MBNL1: variants seen among roughly 807,000 people sequenced by gnomAD.
MBNL1 encodes muscleblind like splicing regulator 1, also known as muscleblind-like protein 1.
A neutral mutation model predicts 42.2 loss-of-function variants in MBNL1; 8 were observed. The ratio of observed to expected loss-of-function variants is 0.19; its 90% CI spans 0.11 to 0.34. The LOEUF is 0.34. Ranked by LOEUF, MBNL1 falls within the 10% of genes least tolerant of loss-of-function variation. The pLI, the probability that MBNL1 is intolerant of heterozygous loss-of-function variation, is 1.00. For synonymous variants in MBNL1, 169 were observed against 173.9 expected, an observed-to-expected ratio of 0.97 and a Z score of 0.22; for missense variants, 309 against 495.3, an observed-to-expected ratio of 0.62 and a Z score of 3.57.
At chr3:152,335,110 G>C in intron 2 of MBNL1, 1 of 1,286,910 alleles carries the variant, frequency 7.8e-7, no homozygotes, top group Non-Finnish European at 1.0e-6. Flanking sequence ...TGGTGCTGCA[G>C]CAGTCACTCA....
At chr3:152,363,972 A>G (rs1186927672) in intron 2 of MBNL1, among the ~76,000 whole-genome samples, 3 of 152,160 alleles carry the variant, frequency 2.0e-5, no homozygotes, top group Admixed American at 2.0e-4. Context: ...AATGAGATTG[A>G]TCCTTCATAC....
At chr3:152,338,576 C>T in intron 2 of MBNL1, 1 of 985,324 alleles carries the variant, frequency 1.0e-6, no homozygotes, top group Non-Finnish European at 1.2e-6. Context: ...TGGGATTTCT[C>T]CAAGCCCCTA....
intron 2 of MBNL1, among the ~76,000 whole-genome samples, chr3:152,391,224 C>T (rs2097702858): frequency 6.6e-6 from 1 of 152,222 alleles, no homozygotes; most frequent in South Asian, 2.1e-4. Flanking sequence ...TAAGCACTCT[C>T]TCCTTTTTCA....
intron 1 of MBNL1, among the ~76,000 whole-genome samples, chr3:152,297,575 C>A (rs559672874): frequency 6.6e-6 from 1 of 151,778 alleles, no homozygotes; most frequent in South Asian, 2.1e-4. Context: ...AGGTTGGTCT[C>A]GAACACCTGA....
chr3:152,353,671 CTTTTTTT>C (rs34931833), intron 2 of MBNL1, among the ~76,000 whole-genome samples: 1 of 116,502 alleles, frequency 8.6e-6, no homozygotes, highest in Non-Finnish European at 1.7e-5. Context: ...TCAACAAATC[CTTTTTTT>C]TTTTTTTTTT....
chr3:152,389,487 C>G (rs1043809491), intron 2 of MBNL1, among the ~76,000 whole-genome samples: 1 of 152,142 alleles, frequency 6.6e-6, no homozygotes, highest in Non-Finnish European at 1.5e-5. Context: ...AGTATACGTG[C>G]ACACACCTGG....
chr3:152,269,652 C>T lies in MBNL1; in HGVS notation c.-790+560C>T, dbSNP rs950060164. 4 of 322,596 alleles carry T rather than the reference C, an allele frequency of 1.2e-5. No individual in the cohort carries two copies. The Admixed American group carries it at 1.5e-4, about 12-fold the overall frequency. 20.0% of individuals were successfully genotyped at this position (322,596 alleles called of 1,614,324 possible). A position where few individuals can be genotyped will look rare whatever the true frequency, so the allele number is the denominator to read the frequency against. On this transcript the variant is annotated intron_variant, in intron 1 of 9. Coordinates refer to ENST00000324210, the MANE Select transcript of MBNL1 (RefSeq NM_021038.5). ...TATATGGAGAGTGCTGTATTTCAGGCCAGTTTGCCTTTTGCCAAGTTTACA... is the reference window on the plus strand; with the variant it reads ...TATATGGAGAGTGCTGTATTTCAGGTCAGTTTGCCTTTTGCCAAGTTTACA...
intron 2 of MBNL1, among the ~76,000 whole-genome samples, chr3:152,386,636 A>C (rs2097437464): frequency 6.6e-6 from 1 of 152,106 alleles, no homozygotes; most frequent in South Asian, 2.1e-4. Flanking sequence ...ATCTATCTCA[A>C]CATCCCGTTG....
chr3:152,445,661 T>C (rs2099213150), intron 5 of MBNL1, 122 bp downstream of exon 5: 2 of 1,025,950 alleles, frequency 1.9e-6, no homozygotes, highest in African/African-American at 3.2e-5. Flanking sequence ...ATATGTTTGT[T>C]CAGGTATCCC....
intron 2 of MBNL1, among the ~76,000 whole-genome samples, chr3:152,379,152 A>C (rs1282653240): frequency 6.6e-6 from 1 of 152,218 alleles, no homozygotes; most frequent in Non-Finnish European, 1.5e-5. Context: ...TTAATTAAAA[A>C]TTTGTCATAT....
At chr3:152,425,348 G>A (rs752010819) in intron 3 of MBNL1, among the ~76,000 whole-genome samples, 6 of 152,042 alleles carry the variant, frequency 3.9e-5, no homozygotes, top group Non-Finnish European at 5.9e-5. Flanking sequence ...CAGGGTCCGG[G>A]TGTGGTGGCT....
At chr3:152,251,863 G>T (rs1410972496) in intron 2 of MBNL1, among the ~76,000 whole-genome samples, 1 of 151,924 alleles carries the variant, frequency 6.6e-6, no homozygotes, top group East Asian at 1.9e-4. Flanking sequence ...AACATTCATT[G>T]ATGTTCTTGT....
intron 2 of MBNL1, among the ~76,000 whole-genome samples, chr3:152,332,733 T>TGCGCGCGC (rs1455777180): frequency 7.5e-6 from 1 of 133,466 alleles, no homozygotes; most frequent in African/African-American, 3.1e-5. Flanking sequence ...TGTGTGTGTG[T>TGCGCGCGC]GTGTGTGCGC....
At chr3:152,352,747 T>A (rs1175550559) in intron 2 of MBNL1, among the ~76,000 whole-genome samples, 2 of 152,192 alleles carry the variant, frequency 1.3e-5, no homozygotes, top group African/African-American at 2.4e-5. Context: ...CCTGTTGCAG[T>A]CATTTACTGA....
chr3:152,260,116 G>C (rs1401575719), intron 2 of MBNL1, among the ~76,000 whole-genome samples: 2 of 152,158 alleles, frequency 1.3e-5, no homozygotes. Context: ...TTGTAGACTG[G>C]ATAGGAAAGT....
intron 2 of MBNL1, among the ~76,000 whole-genome samples, chr3:152,352,331 C>G (rs1232848166): frequency 6.6e-6 from 1 of 152,128 alleles, no homozygotes; most frequent in Non-Finnish European, 1.5e-5. Context: ...GACTGTTGTA[C>G]AGTTGCACAG....
At chr3:152,422,234 G>A (rs565319795) in intron 3 of MBNL1, among the ~76,000 whole-genome samples, 159 of 147,560 alleles carry the variant, frequency 1.1e-3, no homozygotes, top group African/African-American at 3.9e-3. Context: ...GGAAAATAAA[G>A]GGATGGAGGA....
At chr3:152,458,332 T>C (rs1737954023) in intron 8 of MBNL1, 6 of 688,280 alleles carry the variant, frequency 8.7e-6, no homozygotes, top group Non-Finnish European at 1.5e-5. Context: ...GATTGTAGTA[T>C]GTTGAATTAG....
chr3:152,301,136 G>A (rs1197968095), intron 2 of MBNL1, among the ~76,000 whole-genome samples: 1 of 151,720 alleles, frequency 6.6e-6, no homozygotes, highest in Non-Finnish European at 1.5e-5. Context: ...AGCTTTTGTG[G>A]GCACCATAAT....
Sources: allele counts gnomAD v4.1 joint callset (sites outside exome capture counted in the v4.1 genomes callset), GRCh38; gene constraint gnomAD v4.1.1; transcripts MANE v1.5; gene names NCBI Gene and HGNC (gene_info 2026-07-23, HGNC 2026-07-21).